CNNM1: variants seen among roughly 807,000 people sequenced by gnomAD.
CNNM1 encodes metal transporter CNNM1.
CNNM1 carries 44 observed loss-of-function variants against 78.8 expected under a neutral mutation model. That is an observed-to-expected ratio of 0.56 (90% confidence interval 0.44 to 0.72). CNNM1 has a LOEUF of 0.72. Ranked by LOEUF, CNNM1 falls within the 30% of genes least tolerant of loss-of-function variation. The probability of loss-of-function intolerance (pLI) is 0.00; values close to 1 mark genes in which losing one functional copy is unlikely to be tolerated. For synonymous variants in CNNM1, 584 were observed against 581.5 expected (o/e 1.00, Z -0.06); for missense variants, 1,101 against 1,292.2 (o/e 0.85, Z 2.27).
chr10:99,390,142 A>T (rs1430206731), intron 9 of CNNM1, among the ~76,000 whole-genome samples, 164 bp from the exon 10 acceptor site: 1 of 151,988 alleles, frequency 6.6e-6, no homozygotes, highest in Non-Finnish European at 1.5e-5. Context: ...CTAACTAATG[A>T]CACCCTGTAC....
chr10:99,347,653 C>A (rs1262638335), intron 1 of CNNM1, among the ~76,000 whole-genome samples: 3 of 147,474 alleles, frequency 2.0e-5, no homozygotes, highest in African/African-American at 7.5e-5. Flanking sequence ...AAAGTCCTTA[C>A]AAAGGCCTTC....
intron 1 of CNNM1, among the ~76,000 whole-genome samples, chr10:99,333,712 G>A (rs986533445): frequency 6.6e-6 from 1 of 152,146 alleles, no homozygotes; most frequent in Non-Finnish European, 1.5e-5. Context: ...CTGTCCTCAG[G>A]AGGTTAGCAA....
intron 7 of CNNM1, 141 bp downstream of exon 7, chr10:99,377,359 G>A (rs1261668714): frequency 2.6e-6 from 2 of 755,272 alleles, no homozygotes; most frequent in African/African-American, 3.5e-5. Context: ...GGTGGTAACT[G>A]CTACTGGCTG....
At chr10:99,351,461 C>G (rs1483333227) in intron 1 of CNNM1, among the ~76,000 whole-genome samples, 1 of 152,176 alleles carries the variant, frequency 6.6e-6, no homozygotes, top group Non-Finnish European at 1.5e-5. Flanking sequence ...TAGATACAAG[C>G]ATTTGCCCAG....
chr10:99,360,811 A>C (rs1457892868), intron 2 of CNNM1, 24 bp from the exon 3 acceptor site: 1 of 1,581,352 alleles, frequency 6.3e-7, no homozygotes, highest in South Asian at 1.1e-5. Flanking sequence ...AGATAGCTGT[A>C]ATCTGTCCTC....
At chr10:99,332,482 C>T (rs2029963653) in intron 1 of CNNM1, among the ~76,000 whole-genome samples, 1 of 149,168 alleles carries the variant, frequency 6.7e-6, no homozygotes, top group African/African-American at 2.5e-5. Flanking sequence ...TGCCACTGAA[C>T]TCTAGCCTGG....
intron 7 of CNNM1, among the ~76,000 whole-genome samples, chr10:99,381,052 A>C (rs1277910820): frequency 6.6e-6 from 1 of 152,224 alleles, no homozygotes; most frequent in East Asian, 1.9e-4. Flanking sequence ...TTCCACCTGG[A>C]TATTTTGAAA....
intron 6 of CNNM1, among the ~76,000 whole-genome samples, chr10:99,369,429 C>T (rs935436956): frequency 1.1e-4 from 17 of 152,154 alleles, no homozygotes; most frequent in Non-Finnish European, 2.5e-4. Context: ...ATCTGTATCC[C>T]TTATCACGTT....
At chr10:99,390,478 C>A in intron 10 of CNNM1, 71 bp downstream of exon 10, 2 of 1,142,658 alleles carry the variant, frequency 1.8e-6, no homozygotes, top group Non-Finnish European at 2.6e-6. Context: ...ATGTTAGCAT[C>A]TTCCTCTTGG....
At chr10:99,357,237 T>G (rs1412667091) in intron 1 of CNNM1, among the ~76,000 whole-genome samples, 1 of 152,182 alleles carries the variant, frequency 6.6e-6, no homozygotes, top group Non-Finnish European at 1.5e-5. Flanking sequence ...AACATATACT[T>G]GCTAATATGT....
At chr10:99,331,593 G>A (rs189186196) in intron 1 of CNNM1, among the ~76,000 whole-genome samples, 10 of 152,316 alleles carry the variant, frequency 6.6e-5, no homozygotes, top group East Asian at 1.9e-4. Flanking sequence ...AGGGCCGGGC[G>A]CGGCGGCTCA....
In CNNM1 at chr10:99,330,025, G is replaced by A; in HGVS notation, c.638G>A (p.Gly213Asp). Residue 213 changes from glycine to aspartate, a missense_variant, in exon 1 of 11, where the codon GGC becomes GAC. Transcript: ENST00000356713. ...FLLRVRPRLY[G>D]PGGDLLPPAW... Reference sequence around the variant, plus strand: ...CTGCGCGTTCGCCCGCGGTTGTACGGCCCAGGCGGGGACCTGCTGCCCCCT... The same window carrying A: ...CTGCGCGTTCGCCCGCGGTTGTACGACCCAGGCGGGGACCTGCTGCCCCCT... 1 of 1,475,748 alleles carries A rather than the reference G, an allele frequency of 6.8e-7. No individual in the cohort carries two copies. The highest frequency in any genetic ancestry group is 8.9e-7 in the Non-Finnish European group (1 of 1,125,304). 91.4% of individuals were successfully genotyped at this position (1,475,748 alleles called of 1,614,324 possible).
rs547563994 is a variant in CNNM1 at position 99,356,609 on chromosome 10, G to GAAAAGA, written c.1574-900_1574-899insAGAAAA. 2.9e-3 allele frequency among the ~76,000 whole-genome samples: 384 copies of GAAAAGA among 132,400 alleles called. 1 individual carries two copies. The highest frequency in any genetic ancestry group is 0.01 in the African/African-American group (343 of 32,808). 86.9% of individuals were successfully genotyped at this position (132,400 alleles called of 152,430 possible). A position where few individuals can be genotyped will look rare whatever the true frequency, so the allele number is the denominator to read the frequency against. On this transcript the variant is annotated intron_variant, in intron 1 of 10. Transcript: ENST00000356713. ...GAAAGAAAGAAAGAAAGAAAGAAAA[G>GAAAAGA]AAAGAAAGAAAGAAAAGAAAAGAAA...
At chr10:99,336,465 G>C (rs959059892) in intron 1 of CNNM1, among the ~76,000 whole-genome samples, 1 of 152,196 alleles carries the variant, frequency 6.6e-6, no homozygotes, top group Non-Finnish European at 1.5e-5. Context: ...TTCTCAGAGA[G>C]TGTCTCCATA....
chr10:99,348,049 TA>T (rs200943589), intron 1 of CNNM1, among the ~76,000 whole-genome samples: 182 of 97,940 alleles, frequency 1.9e-3, no homozygotes, highest in African/African-American at 0.015. Context: ...TATATATATA[TA>T]TTTTTTTTTT....
Position 99,357,591 on chromosome 10 carries a change from C to T in CNNM1, c.1653C>T (p.Val551=). The T allele has an allele frequency of 1.2e-6, 2 of 1,613,736 alleles. No individual in the cohort carries two copies. Among genetic ancestry groups the T allele is most frequent in the Non-Finnish European group, 1.7e-6 (2 of 1,179,760 alleles). ...GDPFYEVMGI[V]TLEDIIEEII... Reference sequence around the variant, plus strand: ...CTTTCTATGAGGTGATGGGCATTGTCACGCTGGAGGATATCATAGAGGAGA... The same window carrying T: ...CTTTCTATGAGGTGATGGGCATTGTTACGCTGGAGGATATCATAGAGGAGA... The change falls in exon 2 of 11, where the codon GTC becomes GTT. Residue 551 remains valine (V), a synonymous_variant. Coordinates refer to ENST00000356713, the MANE Select transcript of CNNM1 (RefSeq NM_020348.3).
chr10:99,353,616 G>T (rs1406518568), intron 1 of CNNM1, among the ~76,000 whole-genome samples: 1 of 152,150 alleles, frequency 6.6e-6, no homozygotes, highest in Non-Finnish European at 1.5e-5. Flanking sequence ...CCTTTCATGA[G>T]TGTGTGTGGT....
intron 6 of CNNM1, 23 bp downstream of exon 6, chr10:99,365,025 C>T (rs1397589076): frequency 6.2e-7 from 1 of 1,613,508 alleles, no homozygotes; most frequent in African/African-American, 1.3e-5. Context: ...CAAACCCCTT[C>T]CTCGTCCTCC....
At chr10:99,377,416 A>C in intron 7 of CNNM1, 198 bp downstream of exon 7, 2 of 441,648 alleles carry the variant, frequency 4.5e-6, no homozygotes, top group Non-Finnish European at 7.9e-6. Context: ...ATTATTTGTC[A>C]CTCTTTTAAC....
Sources: gnomAD v4.1 joint callset for allele counts (sites outside exome capture counted in the v4.1 genomes callset) on GRCh38, gnomAD v4.1.1 for gene constraint, MANE v1.5 for transcripts, NCBI Gene and HGNC (gene_info 2026-07-23, HGNC 2026-07-21) for gene names.